The following TNIP1 variants were observed in gnomAD, a reference collection of about 807,000 sequenced individuals.
TNIP1 encodes the protein TNFAIP3-interacting protein 1.
Under a neutral mutation model 86.6 loss-of-function variants are expected in TNIP1, and 22 were observed. The observed-to-expected ratio is 0.25, with a 90% CI of 0.18 to 0.36. The LOEUF (loss-of-function observed/expected upper bound fraction) is 0.36, where lower values mean the gene tolerates loss of function less well. Ranked by LOEUF, TNIP1 falls within the 10% of genes least tolerant of loss-of-function variation. The pLI is 1.00. For synonymous variants in TNIP1, 294 were observed against 313.0 expected (o/e 0.94, Z 0.64); for missense variants, 709 against 820.6 (o/e 0.86, Z 1.66).
At chr5:151,040,077 T>C (rs1392179762) in intron 11 of TNIP1, among the ~76,000 whole-genome samples, 2 of 152,188 alleles carry the variant, frequency 1.3e-5, no homozygotes, top group African/African-American at 4.8e-5. Flanking sequence ...TCCCTTGCTC[T>C]CTCTCCTTCC....
At chr5:151,069,038 G>A (rs1273396153) in intron 1 of TNIP1, among the ~76,000 whole-genome samples, 2 of 152,216 alleles carry the variant, frequency 1.3e-5, no homozygotes, top group Non-Finnish European at 2.9e-5. Flanking sequence ...CCCAGTTTGG[G>A]GGCAGAAAGG....
intron 5 of TNIP1, among the ~76,000 whole-genome samples, chr5:151,059,697 G>C (rs1761134642): frequency 6.6e-6 from 1 of 151,820 alleles, no homozygotes; most frequent in South Asian, 2.1e-4. Flanking sequence ...AACAGAAGGA[G>C]ATATAGTTAG....
At chr5:151,067,492 A>G (rs976738141) in intron 1 of TNIP1, among the ~76,000 whole-genome samples, 3 of 152,192 alleles carry the variant, frequency 2.0e-5, no homozygotes, top group African/African-American at 7.2e-5. Context: ...AGTGAAACAG[A>G]GGGCTACAAG....
chr5:151,033,256 G>T (rs1456225048), intron 16 of TNIP1, among the ~76,000 whole-genome samples: 2 of 151,956 alleles, frequency 1.3e-5, no homozygotes, highest in African/African-American at 2.4e-5. Context: ...ACATGGTGAG[G>T]CTCTGGAACC....
chr5:151,059,858 TGTGTGTGTGCGCGC>T (rs1470423704), intron 5 of TNIP1, among the ~76,000 whole-genome samples: 34 of 98,806 alleles, frequency 3.4e-4, no homozygotes, highest in African/African-American at 1.4e-3. Context: ...TGTGTGTGTG[TGTGTGTGTGCGCGC>T]GCGCGCGCGC....
At chr5:151,065,194 A>G in intron 1 of TNIP1, 63 bp from the exon 2 acceptor site, 1 of 1,440,142 alleles carries the variant, frequency 6.9e-7, no homozygotes, top group Non-Finnish European at 9.4e-7. Context: ...CTTTGCAGAG[A>G]AGCTCTAGTC....
chr5:151,046,247 C>G (rs974642248), intron 8 of TNIP1: 1 of 417,094 alleles, frequency 2.4e-6, no homozygotes, highest in Non-Finnish European at 4.5e-6. Flanking sequence ...GTACTACCAG[C>G]CACTCTCCTC....
intron 6 of TNIP1, among the ~76,000 whole-genome samples, chr5:151,054,012 G>A (rs1170853865): frequency 6.6e-6 from 1 of 152,242 alleles, no homozygotes; most frequent in Non-Finnish European, 1.5e-5. Flanking sequence ...TCCCAGGCCT[G>A]TTGCAGGTGG....
chr5:151,081,209 C>G (rs540904844), upstream of TNIP1: 1 of 152,192 alleles, frequency 6.6e-6, no homozygotes, highest in African/African-American at 2.4e-5. Context: ...CTCGTCCCTT[C>G]GGCGGCCTTC....
intron 6 of TNIP1, among the ~76,000 whole-genome samples, chr5:151,053,105 T>TTC (rs1282183391): frequency 1.3e-4 from 18 of 139,878 alleles, no homozygotes; most frequent in Middle Eastern, 3.2e-3. Context: ...GTTTCTCTTT[T>TTC]TTTTTTTTTT....
At chr5:151,047,046 T>G (rs1759268025) in intron 8 of TNIP1, among the ~76,000 whole-genome samples, 1 of 152,142 alleles carries the variant, frequency 6.6e-6, no homozygotes, top group Admixed American at 6.5e-5. Flanking sequence ...AGTATTTGCA[T>G]AGTCTCTAAG....
chr5:151,066,942 A>C (rs1464130726), intron 1 of TNIP1, among the ~76,000 whole-genome samples: 3 of 152,196 alleles, frequency 2.0e-5, no homozygotes, highest in Non-Finnish European at 4.4e-5. Context: ...ATAAGAACCA[A>C]TAAGGACTTG....
chr5:151,045,980 A>G lies in TNIP1; in HGVS notation c.847-30T>C. The G allele has an allele frequency of 2.5e-6, 4 of 1,603,446 alleles. No individual in the cohort carries two copies. In the South Asian group the frequency reaches 4.4e-5, roughly 18 times the overall value. ...GGAGAAGCACAGAGGAGCCTTCACC[A>G]AAACCTCAATACAAATTATCTCACC... On this transcript the variant is annotated intron_variant, in intron 8 of 17. Transcript: ENST00000521591.
At position 151,059,818 on chromosome 5, in the gene TNIP1, A is replaced by AGTGT. The variant is rs1561512723; in HGVS notation, c.435+499_435+500insACAC. Among the ~76,000 whole-genome samples, 22 of 102,978 alleles carry AGTGT rather than the reference A, an allele frequency of 2.1e-4. 1 individual carries two copies. The highest frequency in any genetic ancestry group is 1.1e-3 in the African/African-American group (22 of 19,856). The allele number at this position is 102,978 out of a possible 152,430, so 67.6% of individuals were successfully genotyped here. On this transcript the variant is annotated intron_variant, in intron 5 of 17. Coordinates refer to ENST00000521591, the MANE Select transcript of TNIP1 (RefSeq NM_006058.5). ...GAGAGAGAGAGAGAGAGAGAGAGAG[A>AGTGT]GAGAGAGAGAGTGTGTGTGTGTGTG...
chr5:151,059,779 CAGAGAGAGAGAGAGAGAGAGAGAG>C (rs55637016), intron 5 of TNIP1, among the ~76,000 whole-genome samples: 11 of 67,384 alleles, frequency 1.6e-4, no homozygotes, highest in African/African-American at 4.2e-4. Context: ...GTACGAGAGA[CAGAGAGAGAGAGAGAGAGAGAGAG>C]AGAGAGAGAG....
chr5:151,064,498 G>C (rs1166035386), intron 2 of TNIP1, among the ~76,000 whole-genome samples: 1 of 152,126 alleles, frequency 6.6e-6, no homozygotes, highest in Non-Finnish European at 1.5e-5. Flanking sequence ...AAGTGGGGAT[G>C]GCTTGAGCAA....
upstream of TNIP1, among the ~76,000 whole-genome samples, chr5:151,083,757 C>T (rs566730779): frequency 6.6e-6 from 1 of 152,334 alleles, no homozygotes; most frequent in Non-Finnish European, 1.5e-5. Context: ...GACCCAAATA[C>T]ACATTTGAAG....
chr5:151,044,290 C>T (rs757749171), intron 9 of TNIP1, among the ~76,000 whole-genome samples: 6 of 152,268 alleles, frequency 3.9e-5, no homozygotes, highest in Non-Finnish European at 5.9e-5. Context: ...AATCTTCCTG[C>T]ATCAGCCTCC....
intron 7 of TNIP1, 105 bp downstream of exon 7, chr5:151,052,060 A>G (rs1358520506): frequency 4.3e-6 from 4 of 931,094 alleles, no homozygotes; most frequent in Non-Finnish European, 6.6e-6. Context: ...CTCTGGGCAC[A>G]GGGCCTCAGA....
Sources: allele counts gnomAD v4.1 joint callset (sites outside exome capture counted in the v4.1 genomes callset), GRCh38; gene constraint gnomAD v4.1.1; transcripts MANE v1.5; gene names NCBI Gene and HGNC (gene_info 2026-07-23, HGNC 2026-07-21).